DNM2: variants seen among roughly 807,000 people sequenced by gnomAD.
DNM2 encodes the protein dynamin 2, also known as dynamin-2.
In DNM2, 15 loss-of-function variants were observed where a neutral mutation model predicts 99.0. The observed-to-expected ratio is 0.15, with a 90% CI of 0.10 to 0.23. DNM2 has a LOEUF of 0.23. DNM2 is among the 10% of genes least tolerant of loss of function. The pLI is 1.00. For missense variants in DNM2, 742 were observed against 1,189.4 expected (o/e 0.62, Z 5.53); for synonymous variants, 525 against 481.2 (o/e 1.09, Z -1.19).
At chr19:10,790,142 C>T (rs143201247) in intron 7 of DNM2, among the ~76,000 whole-genome samples, 5 of 152,340 alleles carry the variant, frequency 3.3e-5, no homozygotes, top group Middle Eastern at 3.4e-3. Flanking sequence ...TACAAGAGAA[C>T]GGGAATTACG....
In DNM2 at chr19:10,816,079, G is replaced by A. The variant is rs1026919896; in HGVS notation, c.1671+3702G>A. ...GGCTCTGTGGTCACCCCCATCTAAG[G>A]CTCTGAGCGGTGACTTGCCCCACAT... is the stretch of plus-strand genomic sequence containing the variant. On this transcript the variant is annotated intron_variant, in intron 15 of 20. Transcript: ENST00000389253. The surrounding 1 kb of genome is among the most constrained non-coding windows in gnomAD (Gnocchi z 4.6). Among the ~76,000 whole-genome samples, 1 of 152,110 alleles carries A rather than the reference G, an allele frequency of 6.6e-6. No individual in the cohort carries two copies. The highest frequency in any genetic ancestry group is 1.5e-5 in the Non-Finnish European group (1 of 67,996).
At position 10,817,963 on chromosome 19, in the gene DNM2, C is replaced by G. The variant is rs1205704891; in HGVS notation, c.1672-2017C>G. Among the ~76,000 whole-genome samples the G allele has an allele frequency of 1.3e-5, 2 of 152,046 alleles. No individual in the cohort carries two copies. Among genetic ancestry groups the G allele is most frequent in the South Asian group, 2.1e-4 (1 of 4,818 alleles). On this transcript the variant is annotated intron_variant, in intron 15 of 20. Transcript: ENST00000389253. This position sits in a 1 kb window ranked among gnomAD's most constrained non-coding sequence, Gnocchi z 4.6. ...CTTGGCCCTGCTGGCTGGAAGCTTCCGGCCGCGTGATATGATAGGGTCAGG... is the reference window on the plus strand; with the variant it reads ...CTTGGCCCTGCTGGCTGGAAGCTTCGGGCCGCGTGATATGATAGGGTCAGG...
chr19:10,823,158 A>G (rs1164750324), intron 16 of DNM2: 1 of 152,038 alleles, frequency 6.6e-6, no homozygotes, highest in East Asian at 2.0e-4. Context: ...TAATCTCAGA[A>G]CTTTGGGAAG....
intron 9 of DNM2, 99 bp from the exon 10 acceptor site, chr19:10,797,281 C>G: frequency 6.5e-7 from 1 of 1,534,788 alleles, no homozygotes; most frequent in Non-Finnish European, 8.8e-7. Flanking sequence ...AATCAGATGA[C>G]TCTCGTTTCT....
At chr19:10,733,824 T>A (rs1381583492) in intron 1 of DNM2, among the ~76,000 whole-genome samples, 2 of 151,446 alleles carry the variant, frequency 1.3e-5, no homozygotes, top group Non-Finnish European at 2.9e-5. Flanking sequence ...CTGGCCAACA[T>A]AGCGAAACCC....
intron 18 of DNM2, among the ~76,000 whole-genome samples, chr19:10,826,290 T>C (rs917848842): frequency 1.3e-5 from 2 of 152,134 alleles, no homozygotes; most frequent in African/African-American, 4.8e-5. Flanking sequence ...AGAGATCAAG[T>C]AACCTGCCCC....
chr19:10,740,150 T>TA (rs2069690513), intron 1 of DNM2, among the ~76,000 whole-genome samples: 2 of 151,338 alleles, frequency 1.3e-5, no homozygotes, highest in South Asian at 4.1e-4. Context: ...ATTTGAGTCT[T>TA]ATCTCTTTTT....
intron 1 of DNM2, among the ~76,000 whole-genome samples, chr19:10,757,943 C>T (rs930625900): frequency 1.5e-5 from 1 of 65,420 alleles, no homozygotes; most frequent in Non-Finnish European, 3.4e-5. Flanking sequence ...AGCTCTGTCT[C>T]AAAAAAAAAA....
chr19:10,732,572 C>T (rs1157404737), intron 1 of DNM2, among the ~76,000 whole-genome samples: 34 of 151,858 alleles, frequency 2.2e-4, no homozygotes, highest in Admixed American at 2.2e-3. Context: ...TGCACTCCCG[C>T]CTGGGTGATA....
chr19:10,741,867 T>A (rs1008389061), intron 1 of DNM2, among the ~76,000 whole-genome samples: 1 of 152,124 alleles, frequency 6.6e-6, no homozygotes, highest in Non-Finnish European at 1.5e-5. Flanking sequence ...TCTTTTGTTC[T>A]GTGCTTTTTC....
chr19:10,817,608 G>C lies in DNM2; in HGVS notation c.1672-2372G>C. ...AGGAAACCACCACTCTTCCCGAGAC[G>C]ATCCGCTCTGTCCCTTCTGACGTGG... On this transcript the variant is annotated intron_variant, in intron 15 of 20. Transcript: ENST00000389253. This position sits in a 1 kb window ranked among gnomAD's most constrained non-coding sequence, Gnocchi z 4.6. 1 of 329,868 alleles carries C rather than the reference G, an allele frequency of 3.0e-6. No individual in the cohort carries two copies. The highest frequency in any genetic ancestry group is 2.2e-5 in the South Asian group (1 of 44,822). The allele number at this position is 329,868 out of a possible 1,614,324, so 20.4% of individuals were successfully genotyped here.
At chr19:10,741,611 G>A (rs1258827221) in intron 1 of DNM2, among the ~76,000 whole-genome samples, 14 of 149,966 alleles carry the variant, frequency 9.3e-5, no homozygotes, top group South Asian at 2.1e-4. Flanking sequence ...GTGCAGTGGC[G>A]CGATCTTGGC....
chr19:10,769,799 G>GC lies in DNM2; in HGVS notation c.236-2677dup, dbSNP rs150311289. On this transcript the variant is annotated intron_variant, in intron 2 of 20. Coordinates refer to ENST00000389253, the MANE Select transcript of DNM2 (RefSeq NM_001005361.3). ...GAATCCTCCAGCAGATGTCCTCATT[G>GC]CCCTGATCTGGGTGGCCAGTGCCTG... Among the ~76,000 whole-genome samples, 486 of 152,254 alleles carry GC rather than the reference G, an allele frequency of 3.2e-3. 1 individual carries two copies. Among genetic ancestry groups the GC allele is most frequent in the African/African-American group, 0.011 (471 of 41,528 alleles).
At position 10,772,330 on chromosome 19, in the gene DNM2, C is replaced by G. The variant is rs1023533935; in HGVS notation, c.236-149C>G. ...TCCTGACCTTGTGATCTGCCCACCT[C>G]TGCCTCCCAAAGTGCTGGGATTACA... is the stretch of plus-strand genomic sequence containing the variant. On this transcript the variant is annotated intron_variant, in intron 2 of 20. Coordinates refer to ENST00000389253, the MANE Select transcript of DNM2 (RefSeq NM_001005361.3). This position sits in a 1 kb window ranked among gnomAD's most constrained non-coding sequence, Gnocchi z 4.9. 7 of 1,000,876 alleles carry G rather than the reference C, an allele frequency of 7.0e-6. No individual in the cohort carries two copies. Among genetic ancestry groups the G allele is most frequent in the Admixed American group, 1.7e-5 (1 of 57,508 alleles). The allele number at this position is 1,000,876 out of a possible 1,614,324, so 62.0% of individuals were successfully genotyped here. A position where few individuals can be genotyped will look rare whatever the true frequency, so the allele number is the denominator to read the frequency against.
At position 10,802,390 on chromosome 19, in the gene DNM2, G is replaced by A. The variant is rs199554818; in HGVS notation, c.1493+32G>A. 1.1e-4 allele frequency: 177 copies of A among 1,609,916 alleles called. 1 individual carries two copies. The highest frequency in any genetic ancestry group is 5.5e-4 in the African/African-American group (41 of 74,926). ...ACTTTTAGAGACTGGCTGGTCGGGCGGCACCAATCCTCACTCTCAGATCCA... is the reference window on the plus strand; with the variant it reads ...ACTTTTAGAGACTGGCTGGTCGGGCAGCACCAATCCTCACTCTCAGATCCA... On this transcript the variant is annotated intron_variant, in intron 12 of 20. Transcript: ENST00000389253.
At chr19:10,759,693 G>T (rs370816134) in intron 1 of DNM2, 45 bp from the exon 2 acceptor site, 1 of 1,612,758 alleles carries the variant, frequency 6.2e-7, no homozygotes, top group South Asian at 1.1e-5. Context: ...CCTGCCCCTC[G>T]ATCCGGACGC....
intron 10 of DNM2, among the ~76,000 whole-genome samples, chr19:10,797,829 G>A (rs1010975741): frequency 6.6e-5 from 10 of 152,182 alleles, no homozygotes; most frequent in African/African-American, 2.4e-4. Context: ...GCAAAACACA[G>A]GAAACACATC....
chr19:10,806,003 G>T, intron 13 of DNM2, 36 bp downstream of exon 13: 1 of 1,613,360 alleles, frequency 6.2e-7, no homozygotes, highest in Non-Finnish European at 8.5e-7. Context: ...GCTCTACCCT[G>T]GGGGCGGGAG....
chr19:10,809,332 C>T (rs2072459712), intron 14 of DNM2: 1 of 152,318 alleles, frequency 6.6e-6, no homozygotes, highest in Non-Finnish European at 1.5e-5. Flanking sequence ...ACCCTTTCTC[C>T]TATCCTTGGC....
Sources: allele counts gnomAD v4.1 joint callset (sites outside exome capture counted in the v4.1 genomes callset), GRCh38; gene constraint gnomAD v4.1.1; non-coding constraint Gnocchi (gnomAD v3.1); transcripts MANE v1.5; gene names NCBI Gene and HGNC (gene_info 2026-07-23, HGNC 2026-07-21).